Variants in FAM3B observed in about 807,000 individuals in gnomAD.
The protein encoded by FAM3B is FAM3 metabolism regulating signaling molecule B.
A neutral mutation model predicts 28.4 loss-of-function variants in FAM3B; 29 were observed. That is an observed-to-expected ratio of 1.02 (90% confidence interval 0.76 to 1.39). The LOEUF (loss-of-function observed/expected upper bound fraction) is 1.39, where lower values mean the gene tolerates loss of function less well. Among genes scored for constraint, FAM3B ranks in the 40% most tolerant of loss-of-function variants. The probability of loss-of-function intolerance (pLI) is 0.00; values close to 1 mark genes in which losing one functional copy is unlikely to be tolerated. For missense variants in FAM3B, 266 were observed against 293.9 expected (o/e 0.91, Z 0.69); for synonymous variants, 91 against 103.0 (o/e 0.88, Z 0.71).
chr21:41,356,761 A>G (rs1310868763), intron 7 of FAM3B, among the ~76,000 whole-genome samples: 1 of 152,242 alleles, frequency 6.6e-6, no homozygotes, highest in East Asian at 1.9e-4. Flanking sequence ...TAGAGCAACT[A>G]TAGTTAAAAA....
intron 1 of FAM3B, chr21:41,319,517 C>T (rs1295977955): frequency 6.6e-6 from 1 of 152,408 alleles, no homozygotes; most frequent in East Asian, 1.9e-4. Context: ...GTGCTTCCTC[C>T]CCCACCTCTG....
upstream of FAM3B, among the ~76,000 whole-genome samples, chr21:41,313,063 G>C (rs572825658): frequency 1.3e-5 from 2 of 152,208 alleles, no homozygotes; most frequent in African/African-American, 2.4e-5. Context: ...GCTAATCAGA[G>C]CTGAAAGCAG....
chr21:41,306,106 A>G (rs981732998), intron 1 of FAM3B, among the ~76,000 whole-genome samples: 5 of 152,192 alleles, frequency 3.3e-5, no homozygotes, highest in Non-Finnish European at 7.3e-5. Flanking sequence ...ATTTCACTCA[A>G]TCATAAGAAG....
At chr21:41,348,844 C>G (rs2089088846) in intron 7 of FAM3B, 120 bp downstream of exon 7, 2 of 1,113,754 alleles carry the variant, frequency 1.8e-6, no homozygotes, top group Admixed American at 4.1e-5. Context: ...TCAGCTGTTT[C>G]CATGAGATCA....
chr21:41,308,722 A>C (rs2123683211), intron 1 of FAM3B, among the ~76,000 whole-genome samples: 1 of 152,110 alleles, frequency 6.6e-6, no homozygotes, highest in African/African-American at 2.4e-5. Context: ...TATTTTTAGT[A>C]GAGACAGGGT....
chr21:41,316,087 G>A (rs528404246), upstream of FAM3B, among the ~76,000 whole-genome samples: 2 of 152,326 alleles, frequency 1.3e-5, no homozygotes, highest in South Asian at 4.1e-4. Context: ...AAAACCTGAT[G>A]TGTGTTTGGA....
Position 41,356,353 on chromosome 21 carries a change from C to T in FAM3B, c.619-755C>T, listed in dbSNP as rs926078256. Among the ~76,000 whole-genome samples, 5 of 152,178 alleles carry T rather than the reference C, an allele frequency of 3.3e-5. No homozygotes were observed. In the South Asian group the frequency reaches 1.0e-3, roughly 32 times the overall value. Reference sequence around the variant, plus strand: ...AAGATGATAGTTTAGCATAGCATACCTTAAACATGCTCAGAACACTTACAG... The same window carrying T: ...AAGATGATAGTTTAGCATAGCATACTTTAAACATGCTCAGAACACTTACAG... On this transcript the variant is annotated intron_variant, in intron 7 of 7. Transcript: ENST00000357985.
At chr21:41,327,542 T>A (rs889199709) in intron 2 of FAM3B, among the ~76,000 whole-genome samples, 2 of 152,230 alleles carry the variant, frequency 1.3e-5, no homozygotes, top group Non-Finnish European at 2.9e-5. Flanking sequence ...AGATATTTTT[T>A]AATTTCCTTT....
chr21:41,343,785 G>T (rs2089029120), intron 3 of FAM3B, among the ~76,000 whole-genome samples: 1 of 152,118 alleles, frequency 6.6e-6, no homozygotes, highest in Non-Finnish European at 1.5e-5. Context: ...CAATCCTCTT[G>T]AATTTGGCAT....
intron 3 of FAM3B, among the ~76,000 whole-genome samples, chr21:41,342,864 T>C (rs1296639242): frequency 6.6e-6 from 1 of 152,200 alleles, no homozygotes; most frequent in East Asian, 1.9e-4. Flanking sequence ...GTTGGCCTTT[T>C]TCCTCACGTG....
intron 1 of FAM3B, among the ~76,000 whole-genome samples, chr21:41,311,641 A>G (rs2088714739): frequency 6.6e-6 from 1 of 152,032 alleles, no homozygotes; most frequent in African/African-American, 2.4e-5. Flanking sequence ...AATCTCTTTA[A>G]TGTCCTTAGC....
At chr21:41,311,500 A>C (rs2088713853) in intron 1 of FAM3B, among the ~76,000 whole-genome samples, 1 of 151,464 alleles carries the variant, frequency 6.6e-6, no homozygotes, top group Non-Finnish European at 1.5e-5. Context: ...TTAATATATT[A>C]ATTCACTTAG....
At chr21:41,317,608 T>C (rs2088761694) in intron 1 of FAM3B, among the ~76,000 whole-genome samples, 1 of 152,060 alleles carries the variant, frequency 6.6e-6, no homozygotes, top group African/African-American at 2.4e-5. Context: ...TCCTATAATC[T>C]GAAGAACATG....
Position 41,344,470 on chromosome 21 carries a change from T to C in FAM3B, c.288-6T>C. 1 of 1,613,958 alleles carries C rather than the reference T, an allele frequency of 6.2e-7. No homozygotes were observed. Among genetic ancestry groups the C allele is most frequent in the Non-Finnish European group, 8.5e-7 (1 of 1,179,762 alleles). ...GGTACTTGACTAATGCTTAGCTCCATTTCAGACTTATGGGAGAACAGCTGG... is the reference window on the plus strand; with the variant it reads ...GGTACTTGACTAATGCTTAGCTCCACTTCAGACTTATGGGAGAACAGCTGG... On this transcript the variant is annotated splice_polypyrimidine_tract_variant and splice_region_variant and intron_variant, in intron 3 of 7. Transcript: ENST00000357985.
At chr21:41,308,535 CT>C (rs562737882) in intron 1 of FAM3B, among the ~76,000 whole-genome samples, 6,000 of 119,360 alleles carry the variant, frequency 0.05, 154 homozygotes, top group African/African-American at 0.11. Context: ...TTTTTCTTTT[CT>C]TTTTTTTTTT....
chr21:41,334,087 C>T (rs1246700864), intron 2 of FAM3B, among the ~76,000 whole-genome samples: 1 of 152,174 alleles, frequency 6.6e-6, no homozygotes, highest in African/African-American at 2.4e-5. Context: ...CTGGCTGCTT[C>T]TAATAACCTG....
chr21:41,321,653 C>T (rs1359554786), intron 1 of FAM3B, among the ~76,000 whole-genome samples: 1 of 152,206 alleles, frequency 6.6e-6, no homozygotes, highest in Admixed American at 6.6e-5. Context: ...CAAAACAAAA[C>T]CAAACCCCAA....
upstream of FAM3B, among the ~76,000 whole-genome samples, chr21:41,315,721 C>T (rs960375154): frequency 6.6e-6 from 1 of 152,090 alleles, no homozygotes; most frequent in African/African-American, 2.4e-5. Flanking sequence ...GGGGAGACTG[C>T]AGGTGGGGGT....
rs941771233 is a variant in FAM3B at position 41,316,802 on chromosome 21, T to G, written c.-78T>G. The G allele has an allele frequency of 7.2e-7, 1 of 1,387,734 alleles. No homozygotes were observed. Among genetic ancestry groups the G allele is most frequent in the Non-Finnish European group, 9.4e-7 (1 of 1,067,488 alleles). The allele number at this position is 1,387,734 out of a possible 1,614,324, so 86.0% of individuals were successfully genotyped here. On this transcript the variant is annotated 5_prime_UTR_variant, in exon 1 of 8. Coordinates refer to ENST00000357985, the MANE Select transcript of FAM3B (RefSeq NM_058186.4). ...ACACGACCGCTGCCCGCCCCTTGCC[T>G]TCCTGACCCAGGGGCTCCGCTGGCT... is the stretch of plus-strand genomic sequence containing the variant.
Sources: allele counts gnomAD v4.1 joint callset (sites outside exome capture counted in the v4.1 genomes callset), GRCh38; gene constraint gnomAD v4.1.1; transcripts MANE v1.5; gene names NCBI Gene and HGNC (gene_info 2026-07-23, HGNC 2026-07-21).